Variants in TENM2 observed in about 807,000 individuals in gnomAD.
TENM2 encodes the protein teneurin-2.
A neutral mutation model predicts 245.2 loss-of-function variants in TENM2; 52 were observed. That is an observed-to-expected ratio of 0.21 (90% CI 0.17 to 0.27). TENM2 has a LOEUF of 0.27. Ranked by LOEUF, TENM2 falls within the 10% of genes least tolerant of loss-of-function variation. TENM2 has a pLI of 1.00. For missense variants in TENM2, 3,046 were observed against 3,666.8 expected (o/e 0.83, Z 4.37); for synonymous variants, 1,363 against 1,438.9 (o/e 0.95, Z 1.19).
rs779906898 is a variant in TENM2 at position 168,218,795 on chromosome 5, C to A, written c.4904C>A (p.Ser1635Tyr). Residue 1635 changes from serine to tyrosine, a missense_variant, in exon 23 of 29, where the codon TCC becomes TAC. Around this residue, in one of 2 missense-constraint regions of TENM2, gnomAD observed 2,704 missense variants for 3,331.9 expected, o/e 0.81. Coordinates refer to ENST00000518659, the Ensembl canonical transcript of TENM2. The surrounding 1 kb of genome is among the most constrained non-coding windows in gnomAD (Gnocchi z 5.2). ...GAATTGATTGACAATAATGGGAATT[C>A]CCTGAAGATCCGTCGGGACAGCAGT... The A allele has an allele frequency of 1.2e-6, 2 of 1,613,934 alleles. No homozygotes were observed. Among genetic ancestry groups the A allele is most frequent in the Non-Finnish European group, 1.7e-6 (2 of 1,179,882 alleles).
intron 1 of TENM2, among the ~76,000 whole-genome samples, chr5:167,325,805 A>G (rs1757041697): frequency 6.6e-6 from 1 of 152,234 alleles, no homozygotes; most frequent in Admixed American, 6.5e-5. Context: ...GGTAACAGTG[A>G]ACACAGCAAC....
intron 5 of TENM2, among the ~76,000 whole-genome samples, chr5:168,046,699 T>C (rs1194034207): frequency 6.6e-6 from 1 of 152,164 alleles, no homozygotes; most frequent in Non-Finnish European, 1.5e-5. Flanking sequence ...CTCTGTTTCA[T>C]TCCATACTCT....
chr5:168,058,443 A>T (rs1195020994), intron 6 of TENM2, among the ~76,000 whole-genome samples: 1 of 152,220 alleles, frequency 6.6e-6, no homozygotes, highest in African/African-American at 2.4e-5. Context: ...ACAATACCTA[A>T]CAACATCTGC....
At chr5:168,084,759 C>T (rs1388821870) in intron 7 of TENM2, among the ~76,000 whole-genome samples, 1 of 152,192 alleles carries the variant, frequency 6.6e-6, no homozygotes, top group Non-Finnish European at 1.5e-5. Context: ...AAGCCACTTA[C>T]AGACCAAGTA....
the TENM2 span, among the ~76,000 whole-genome samples, chr5:167,049,468 T>A: frequency 1.3e-5 from 2 of 152,224 alleles, no homozygotes; most frequent in Non-Finnish European, 1.5e-5. Flanking sequence ...ATATGATTTA[T>A]TAACTGGGAG....
intron 2 of TENM2, among the ~76,000 whole-genome samples, chr5:167,735,467 T>G (rs1760731201): frequency 1.3e-5 from 2 of 152,192 alleles, no homozygotes; most frequent in Non-Finnish European, 2.9e-5. Flanking sequence ...CTAGAAATAC[T>G]TAGCAGATTT....
intron 2 of TENM2, among the ~76,000 whole-genome samples, chr5:167,736,391 A>G (rs1356248876): frequency 2.0e-5 from 3 of 152,146 alleles, no homozygotes; most frequent in East Asian, 1.9e-4. Flanking sequence ...AGAGATATCT[A>G]TCTAGAATTT....
At chr5:167,754,629 T>A (rs1357212097) in intron 2 of TENM2, among the ~76,000 whole-genome samples, 1 of 151,096 alleles carries the variant, frequency 6.6e-6, no homozygotes, top group East Asian at 2.0e-4. Context: ...AAAAAAAAAA[T>A]TAAGTATACA....
At chr5:167,564,230 G>T (rs908773921) in intron 2 of TENM2, among the ~76,000 whole-genome samples, 1 of 152,106 alleles carries the variant, frequency 6.6e-6, no homozygotes, top group African/African-American at 2.4e-5. Flanking sequence ...GGCAAGCCCT[G>T]CTGAGAAAAA....
chr5:167,078,004 A>C, the TENM2 span, among the ~76,000 whole-genome samples: 1 of 152,224 alleles, frequency 6.6e-6, no homozygotes, highest in Non-Finnish European at 1.5e-5. Flanking sequence ...AGAAAAATAA[A>C]TTATAAATCT....
chr5:167,372,105 T>C (rs1418089506), intron 1 of TENM2, among the ~76,000 whole-genome samples: 1 of 152,128 alleles, frequency 6.6e-6, no homozygotes, highest in Non-Finnish European at 1.5e-5. Flanking sequence ...AAATCAATAT[T>C]GATTTTAGAG....
chr5:168,032,122 G>GACT (rs999433336), intron 5 of TENM2, among the ~76,000 whole-genome samples: 5 of 152,328 alleles, frequency 3.3e-5, no homozygotes, highest in African/African-American at 1.2e-4. Context: ...ACTACTGGCA[G>GACT]ACTAATCTTG....
chr5:167,066,496 G>C, the TENM2 span, among the ~76,000 whole-genome samples: 66,091 of 150,844 alleles, frequency 0.44, 15,167 homozygotes, highest in African/African-American at 0.54. Flanking sequence ...TCGTCATTTA[G>C]CATTAGGTAT....
chr5:167,591,330 A>G (rs1190882336), intron 2 of TENM2, among the ~76,000 whole-genome samples: 1 of 152,292 alleles, frequency 6.6e-6, no homozygotes, highest in Non-Finnish European at 1.5e-5. Flanking sequence ...TGACATAAAC[A>G]TTTGCTATTT....
chr5:167,466,384 G>T (rs1766653720), intron 2 of TENM2, among the ~76,000 whole-genome samples: 1 of 152,168 alleles, frequency 6.6e-6, no homozygotes, highest in Non-Finnish European at 1.5e-5. Context: ...TAACCTCATA[G>T]TCCTACAATG....
At chr5:168,146,907 A>G (rs1756136053) in intron 12 of TENM2, among the ~76,000 whole-genome samples, 1 of 152,248 alleles carries the variant, frequency 6.6e-6, no homozygotes, top group Non-Finnish European at 1.5e-5. Context: ...CAATGAAATC[A>G]GAGAATATGG....
rs73801490 is a variant in TENM2, at chr5:168,009,283, C to G, written c.1186+16101C>G. Among the ~76,000 whole-genome samples, 182 of 152,292 alleles carry G rather than the reference C, an allele frequency of 1.2e-3. 1 individual carries two copies. Among genetic ancestry groups the G allele is most frequent in the African/African-American group, 4.1e-3 (170 of 41,550 alleles). On this transcript the variant is annotated intron_variant, in intron 5 of 28. Coordinates refer to ENST00000518659, the Ensembl canonical transcript of TENM2. Reference sequence around the variant, plus strand: ...CAAATGAAAATCTTGAAAGAAGAAACTTGCCTTTTGATCAGTTGGTTAGAG... The same window carrying G: ...CAAATGAAAATCTTGAAAGAAGAAAGTTGCCTTTTGATCAGTTGGTTAGAG...
exon 3 of TENM2, chr5:167,876,112 T>G: frequency 6.4e-7 from 1 of 1,551,558 alleles, no homozygotes; most frequent in South Asian, 1.2e-5. Context: ...CATCAAATCA[T>G]GGACACCAAC....
intron 22 of TENM2, 41 bp downstream of exon 24, chr5:168,216,963 C>A (rs1295953150): frequency 6.2e-7 from 1 of 1,605,586 alleles, no homozygotes; most frequent in South Asian, 1.1e-5. Context: ...GCAACACCTG[C>A]CCCTTGGCCT....
Sources: allele counts gnomAD v4.1 joint callset (sites outside exome capture counted in the v4.1 genomes callset), GRCh38; gene constraint gnomAD v4.1.1; regional missense constraint gnomAD v4.1.1; non-coding constraint Gnocchi (gnomAD v3.1); transcripts MANE v1.5; gene names NCBI Gene and HGNC (gene_info 2026-07-23, HGNC 2026-07-21).